The following SAP30BP variants were observed in gnomAD, a reference collection of about 807,000 sequenced individuals.
SAP30BP encodes the protein SAP30 binding protein.
In SAP30BP, 31 loss-of-function variants were observed where a neutral mutation model predicts 46.3. The ratio of observed to expected loss-of-function variants is 0.67; its 90% CI spans 0.50 to 0.90. SAP30BP has a LOEUF of 0.90. Ranked by LOEUF, SAP30BP falls within the 40% of genes least tolerant of loss-of-function variation. The probability of loss-of-function intolerance (pLI) is 0.00; values close to 1 mark genes in which losing one functional copy is unlikely to be tolerated. For missense variants in SAP30BP, 312 were observed against 391.0 expected (o/e 0.80, Z 1.70); for synonymous variants, 169 against 144.2 (o/e 1.17, Z -1.23).
intron 3 of SAP30BP, among the ~76,000 whole-genome samples, chr17:75,676,630 C>CT (rs1309998093): frequency 6.6e-6 from 1 of 152,196 alleles, no homozygotes; most frequent in Non-Finnish European, 1.5e-5. Flanking sequence ...CTGAAGAAAA[C>CT]TGTCAGTTCA....
At position 75,706,525 on chromosome 17, in the gene SAP30BP, G is replaced by T. The variant is rs200431565; in HGVS notation, c.*4G>T. On this transcript the variant is annotated 3_prime_UTR_variant, in exon 11 of 11. Transcript: ENST00000584667. This position sits in a 1 kb window ranked among gnomAD's most constrained non-coding sequence, Gnocchi z 4.6. ...TGTGAAGAAGGCCAAGCAGTGACCTGAGGGGCCACCCTAGGACTTGAAAGG... is the reference window on the plus strand; with the variant it reads ...TGTGAAGAAGGCCAAGCAGTGACCTTAGGGGCCACCCTAGGACTTGAAAGG... 2.5e-6 allele frequency: 4 copies of T among 1,613,598 alleles called. No individual in the cohort carries two copies. The highest frequency in any genetic ancestry group is 3.3e-5 in the Admixed American group (2 of 59,986).
intron 3 of SAP30BP, 49 bp downstream of exon 3, chr17:75,671,912 G>C: frequency 7.0e-7 from 1 of 1,419,814 alleles, no homozygotes; most frequent in Non-Finnish European, 1.0e-6. Context: ...CAAGGTGTTT[G>C]AACACTGTGG....
chr17:75,690,944 C>T (rs1258739599), intron 3 of SAP30BP, among the ~76,000 whole-genome samples: 1 of 152,214 alleles, frequency 6.6e-6, no homozygotes, highest in Non-Finnish European at 1.5e-5. Context: ...TATATGGCTT[C>T]TGAGCTGGCC....
At chr17:75,704,838 A>G (rs1445618510) in intron 9 of SAP30BP, 24 bp downstream of exon 9, 1 of 1,596,832 alleles carries the variant, frequency 6.3e-7, no homozygotes, top group East Asian at 2.2e-5. Context: ...GACCTCCTAG[A>G]TGAAAAAGGC....
chr17:75,687,073 A>G (rs766361778), intron 3 of SAP30BP, among the ~76,000 whole-genome samples: 16 of 152,264 alleles, frequency 1.1e-4, no homozygotes, highest in African/African-American at 2.4e-4. Flanking sequence ...AAGCAGCTGT[A>G]TTGCCTGATG....
At chr17:75,675,579 T>C (rs2148376485) in intron 3 of SAP30BP, among the ~76,000 whole-genome samples, 2 of 152,342 alleles carry the variant, frequency 1.3e-5, no homozygotes, top group Middle Eastern at 6.8e-3. Flanking sequence ...TTTACTATTT[T>C]ATAAGTTAAA....
At chr17:75,697,038 A>C (rs1040992884) in intron 4 of SAP30BP, among the ~76,000 whole-genome samples, 2 of 151,922 alleles carry the variant, frequency 1.3e-5, no homozygotes, top group Middle Eastern at 3.2e-3. Context: ...CGGCCTCCCA[A>C]AGTGCTGGGA....
intron 3 of SAP30BP, chr17:75,692,626 G>C: frequency 2.0e-6 from 1 of 498,960 alleles, no homozygotes. Flanking sequence ...TTTTGGTTTA[G>C]ATGAAACATT....
At chr17:75,703,961 C>T in intron 8 of SAP30BP, 102 bp downstream of exon 8, 1 of 889,032 alleles carries the variant, frequency 1.1e-6, no homozygotes, top group Non-Finnish European at 1.9e-6. Context: ...AGGGTCTACT[C>T]TATGTCAGGC....
intron 3 of SAP30BP, among the ~76,000 whole-genome samples, chr17:75,686,262 A>C (rs2060154860): frequency 6.6e-6 from 1 of 152,012 alleles, no homozygotes; most frequent in African/African-American, 2.4e-5. Flanking sequence ...TCACGCCTGT[A>C]ATCTCAGCAC....
At chr17:75,699,937 G>T in intron 5 of SAP30BP, 66 bp downstream of exon 5, 3 of 1,213,714 alleles carry the variant, frequency 2.5e-6, no homozygotes, top group Non-Finnish European at 3.6e-6. Context: ...GTTTGGTTTG[G>T]TCTTAATCTT....
intron 3 of SAP30BP, among the ~76,000 whole-genome samples, chr17:75,673,044 C>G (rs371370707): frequency 3.2e-4 from 48 of 151,948 alleles, no homozygotes; most frequent in African/African-American, 1.1e-3. Context: ...AATTTATGCC[C>G]AATTAAAATC....
At chr17:75,699,713 T>C (rs963435976) in intron 4 of SAP30BP, 70 bp from the exon 5 acceptor site, 3 of 1,013,152 alleles carry the variant, frequency 3.0e-6, no homozygotes, top group Non-Finnish European at 4.7e-6. Context: ...TATGTGCTTA[T>C]GTTTTTTTGT....
At chr17:75,668,249 T>C (rs750718058) in intron 1 of SAP30BP, 2 of 396,678 alleles carry the variant, frequency 5.0e-6, no homozygotes, top group South Asian at 4.9e-5. Context: ...ATAAACACTT[T>C]AGTGTTTATC....
At position 75,699,887 on chromosome 17, in the gene SAP30BP, G is replaced by T; in HGVS notation, c.396+16G>T. 6.3e-7 allele frequency: 1 copy of T among 1,582,476 alleles called. No homozygotes were observed. The highest frequency in any genetic ancestry group is 8.7e-7 in the Non-Finnish European group (1 of 1,151,768). On this transcript the variant is annotated intron_variant, in intron 5 of 10. Transcript: ENST00000584667. The stretch of plus-strand genomic sequence containing the variant: ...TCACTTGCAAGTAAGCATGAGACTC[G>T]GCTACTGAGGTCGGATAGATTAGAT...
intron 4 of SAP30BP, among the ~76,000 whole-genome samples, chr17:75,696,523 G>A (rs972499627): frequency 9.3e-5 from 14 of 149,992 alleles, no homozygotes; most frequent in Non-Finnish European, 1.8e-4. Flanking sequence ...CAGTCTGGGC[G>A]ACATAGCGAG....
rs2060503758 is a variant in SAP30BP, at chr17:75,706,789, C to T, written c.*268C>T. ...GGCATCTCAGATGCACTGGCCTCTC[C>T]TGCATTCTGTTTGCAGGCAAATGCT... On this transcript the variant is annotated 3_prime_UTR_variant, in exon 11 of 11. Coordinates refer to ENST00000584667, the MANE Select transcript of SAP30BP (RefSeq NM_013260.8). This position sits in a 1 kb window ranked among gnomAD's most constrained non-coding sequence, Gnocchi z 4.6. 1.8e-5 allele frequency: 9 copies of T among 499,150 alleles called. No homozygotes were observed. The South Asian group carries it at 2.4e-4, about 13-fold the overall frequency. 30.9% of individuals were successfully genotyped at this position (499,150 alleles called of 1,614,324 possible).
At chr17:75,704,186 G>A (rs955423115) in intron 8 of SAP30BP, among the ~76,000 whole-genome samples, 6 of 152,244 alleles carry the variant, frequency 3.9e-5, no homozygotes, top group African/African-American at 1.4e-4. Flanking sequence ...ACAAAACTGT[G>A]TTCAAGCTGA....
At chr17:75,668,404 A>G in intron 1 of SAP30BP, 112 bp from the exon 2 acceptor site, 1 of 613,086 alleles carries the variant, frequency 1.6e-6, no homozygotes, top group Non-Finnish European at 2.7e-6. Context: ...TTCCCTTTGT[A>G]TCTTCAGAGA....
Sources: allele counts gnomAD v4.1 joint callset (sites outside exome capture counted in the v4.1 genomes callset), GRCh38; gene constraint gnomAD v4.1.1; non-coding constraint Gnocchi (gnomAD v3.1); transcripts MANE v1.5; gene names NCBI Gene and HGNC (gene_info 2026-07-23, HGNC 2026-07-21).